The following PCDH15 variants were observed in gnomAD, a reference collection of about 807,000 sequenced individuals.
PCDH15 encodes the protein protocadherin related 15.
Under a neutral mutation model 178.5 loss-of-function variants are expected in PCDH15, and 129 were observed. The ratio of observed to expected loss-of-function variants is 0.72; its 90% CI spans 0.63 to 0.84. PCDH15 has a LOEUF of 0.84. Among genes scored for constraint, PCDH15 ranks in the 40% least tolerant of loss-of-function variants. The probability of loss-of-function intolerance (pLI) is 0.00; values close to 1 mark genes in which losing one functional copy is unlikely to be tolerated. For synonymous variants in PCDH15, 800 were observed against 732.0 expected, an observed-to-expected ratio of 1.09 and a Z score of -1.50; for missense variants, 2,230 against 2,099.9, an observed-to-expected ratio of 1.06 and a Z score of -1.21.
intron 8 of PCDH15, among the ~76,000 whole-genome samples, chr10:54,276,179 C>A (rs1430919095): frequency 2.0e-5 from 3 of 151,314 alleles, no homozygotes; most frequent in Non-Finnish European, 4.4e-5. Flanking sequence ...AAAACTCATG[C>A]AAAATAGCAC....
intron 5 of PCDH15, among the ~76,000 whole-genome samples, chr10:54,365,163 A>T (rs1946616534): frequency 6.6e-6 from 1 of 152,062 alleles, no homozygotes; most frequent in Admixed American, 6.6e-5. Flanking sequence ...CTGCAAAGCT[A>T]TTTTTGCCAG....
At chr10:53,809,672 T>A in intron 37 of PCDH15, 3 of 904,594 alleles carry the variant, frequency 3.3e-6, no homozygotes, top group Non-Finnish European at 5.1e-6. Flanking sequence ...ATAACTGGCT[T>A]AAGAAAATAA....
intron 18 of PCDH15, among the ~76,000 whole-genome samples, chr10:54,025,499 ATTT>A (rs3067439): frequency 0.015 from 2,072 of 135,472 alleles, 48 homozygotes; most frequent in African/African-American, 0.053. Context: ...CATTTCCACC[ATTT>A]TTTTTTTTTT....
chr10:54,160,848 G>A (rs1174129719), intron 13 of PCDH15, among the ~76,000 whole-genome samples: 1 of 152,102 alleles, frequency 6.6e-6, no homozygotes, highest in Admixed American at 6.6e-5. Flanking sequence ...ATCACAATGA[G>A]ATACTAATAA....
At chr10:54,131,810 C>A (rs1243798044) in intron 15 of PCDH15, among the ~76,000 whole-genome samples, 1 of 152,174 alleles carries the variant, frequency 6.6e-6, no homozygotes, top group Non-Finnish European at 1.5e-5. Flanking sequence ...ATGGGGTTAG[C>A]TTTCCACATC....
intron 1 of PCDH15, among the ~76,000 whole-genome samples, chr10:54,757,430 G>A (rs1398656291): frequency 1.1e-5 from 1 of 88,056 alleles, no homozygotes; most frequent in Non-Finnish European, 2.4e-5. Flanking sequence ...CTACAGGCGC[G>A]CGCCACCATG....
chr10:55,403,733 T>G (rs1018589328), intron 2 of PCDH15, among the ~76,000 whole-genome samples: 1 of 152,032 alleles, frequency 6.6e-6, no homozygotes, highest in African/African-American at 2.4e-5. Flanking sequence ...AGCTTTGTAG[T>G]GTATTTCAAT....
intron 10 of PCDH15, among the ~76,000 whole-genome samples, chr10:54,209,201 C>T (rs1176896798): frequency 1.3e-5 from 2 of 152,156 alleles, no homozygotes; most frequent in East Asian, 1.9e-4. Flanking sequence ...GACAACATCT[C>T]TGTGGGAAAT....
chr10:55,218,619 C>T (rs1032816389), intron 1 of PCDH15, among the ~76,000 whole-genome samples: 32 of 152,066 alleles, frequency 2.1e-4, no homozygotes, highest in African/African-American at 7.2e-4. Flanking sequence ...AGTCATCCTT[C>T]GTTGATAGGT....
In PCDH15 at chr10:53,865,669, T is replaced by TA. The variant is rs1291801745; in HGVS notation, c.3717+972dup. Among the ~76,000 whole-genome samples the TA allele has an allele frequency of 2.0e-5, 3 of 152,308 alleles. No homozygotes were observed. In the East Asian group the frequency reaches 5.8e-4, roughly 29 times the overall value. On this transcript the variant is annotated intron_variant, in intron 27 of 37. Transcript: ENST00000644397. ...ATTTACTCTATTGCAGCTTTACTGT[T>TA]AAAAATGAGAATGCTCCTGGAGGAC...
intron 17 of PCDH15, among the ~76,000 whole-genome samples, chr10:54,075,005 T>C (rs1485168536): frequency 1.3e-5 from 2 of 152,182 alleles, no homozygotes. Context: ...TTACTGGTCA[T>C]TTATATATCT....
intron 18 of PCDH15, among the ~76,000 whole-genome samples, chr10:54,059,953 T>A (rs2093979703): frequency 6.6e-6 from 1 of 152,226 alleles, no homozygotes; most frequent in African/African-American, 2.4e-5. Flanking sequence ...CTATCCAATA[T>A]GCTTCTTTCA....
intron 2 of PCDH15, among the ~76,000 whole-genome samples, chr10:55,604,794 G>A (rs1280749429): frequency 1.5e-5 from 2 of 129,982 alleles, no homozygotes; most frequent in Admixed American, 8.0e-5. Flanking sequence ...GAGAAAGCAG[G>A]AAAGATCCAA....
chr10:54,000,831 A>G (rs2092097041), intron 20 of PCDH15, among the ~76,000 whole-genome samples: 2 of 152,204 alleles, frequency 1.3e-5, no homozygotes, highest in Admixed American at 1.3e-4. Context: ...ATATCCAAGT[A>G]CAAAAGATTA....
At chr10:54,140,555 G>A (rs12263499) in intron 14 of PCDH15, among the ~76,000 whole-genome samples, 2,336 of 151,464 alleles carry the variant, frequency 0.015, 75 homozygotes, top group African/African-American at 0.054. Flanking sequence ...TGCAACCCCT[G>A]CCTCCCGGGT....
chr10:54,958,088 T>A (rs1838536973), intron 2 of PCDH15, among the ~76,000 whole-genome samples: 1 of 151,854 alleles, frequency 6.6e-6, no homozygotes, highest in African/African-American at 2.4e-5. Context: ...CAAAGTTCTT[T>A]TAATTTGTCT....
Position 54,850,111 on chromosome 10 carries a change from C to T in PCDH15, c.-29+47339G>A, listed in dbSNP as rs562711899. Among the ~76,000 whole-genome samples the T allele has an allele frequency of 7.2e-5, 11 of 152,056 alleles. No individual in the cohort carries two copies. In the East Asian group the frequency reaches 2.1e-3, roughly 29 times the overall value. On this transcript the variant is annotated intron_variant, in intron 3 of 5. Transcript: ENST00000458638. ...AATTTTCAAAAATGTACTTTAGTTG[C>T]TTAAACATATAAAGCAATATATATG...
chr10:54,473,726 T>C lies in PCDH15; in HGVS notation c.157+54086A>G, dbSNP rs186446582. Among the ~76,000 whole-genome samples, 251 of 152,040 alleles carry C rather than the reference T, an allele frequency of 1.7e-3. 2 individuals carry two copies. Among genetic ancestry groups the C allele is most frequent in the Middle Eastern group, 0.01 (3 of 288 alleles). The stretch of plus-strand genomic sequence containing the variant: ...TATTCTAAAATATTTTGTCATTAGG[T>C]TATTATTTTATTATCTTCAAGTAAA... On this transcript the variant is annotated intron_variant, in intron 3 of 37. Transcript: ENST00000644397.
At chr10:55,369,207 T>C (rs527252082) in intron 2 of PCDH15, among the ~76,000 whole-genome samples, 9 of 151,880 alleles carry the variant, frequency 5.9e-5, no homozygotes, top group Non-Finnish European at 1.2e-4. Flanking sequence ...CTGCCTAGAG[T>C]TCTCAGTAGG....
Sources: gnomAD v4.1 joint callset for allele counts (sites outside exome capture counted in the v4.1 genomes callset) on GRCh38, gnomAD v4.1.1 for gene constraint, MANE v1.5 for transcripts, NCBI Gene and HGNC (gene_info 2026-07-23, HGNC 2026-07-21) for gene names.